The following CALU variants were observed in gnomAD, a reference collection of about 807,000 sequenced individuals.
The protein encoded by CALU is IEF SSP 9302.
A neutral mutation model predicts 37.5 loss-of-function variants in CALU; 13 were observed. That is an observed-to-expected ratio of 0.35 (90% CI 0.23 to 0.55). The LOEUF (loss-of-function observed/expected upper bound fraction) is 0.55, where lower values mean the gene tolerates loss of function less well. Among genes scored for constraint, CALU ranks in the 20% least tolerant of loss-of-function variants. The probability of loss-of-function intolerance (pLI) is 0.89; values close to 1 mark genes in which losing one functional copy is unlikely to be tolerated. For missense variants in CALU, 282 were observed against 391.7 expected, an observed-to-expected ratio of 0.72 and a Z score of 2.36; for synonymous variants, 114 against 133.8, an observed-to-expected ratio of 0.85 and a Z score of 1.02.
rs982994363 is a variant in CALU at position 128,772,413 on chromosome 7, A to C, written c.*3246A>C. 3.4e-6 allele frequency: 4 copies of C among 1,173,498 alleles called. No homozygotes were observed. In the Admixed American group the frequency reaches 8.0e-5, roughly 24 times the overall value. The allele number at this position is 1,173,498 out of a possible 1,614,324, so 72.7% of individuals were successfully genotyped here. A position where few individuals can be genotyped will look rare whatever the true frequency, so the allele number is the denominator to read the frequency against. On this transcript the variant is annotated 3_prime_UTR_variant, in exon 7 of 7. Transcript: ENST00000249364. ...AAGAAAATGAAAAATTGACTCCCCA[A>C]ACTGCCATCACTCCTTTTACCATCT...
chr7:128,742,207 A>G (rs1040246404), intron 1 of CALU, among the ~76,000 whole-genome samples: 8 of 152,208 alleles, frequency 5.3e-5, no homozygotes, highest in Admixed American at 3.3e-4. Context: ...AATGTCAGAT[A>G]GATAACAAGA....
Position 128,748,564 on chromosome 7 carries a change from T to G in CALU, c.-11-9T>G, listed in dbSNP as rs773393423. ...CCTCCTGAATTAACTGCTTTTCATTTTCTTCAAGATCTAATTATCATGGAC... is the reference window on the plus strand; with the variant it reads ...CCTCCTGAATTAACTGCTTTTCATTGTCTTCAAGATCTAATTATCATGGAC... On this transcript the variant is annotated splice_polypyrimidine_tract_variant and intron_variant, in intron 1 of 6. Coordinates refer to ENST00000249364, the MANE Select transcript of CALU (RefSeq NM_001219.5). The G allele has an allele frequency of 4.6e-5, 73 of 1,597,668 alleles. 1 individual carries two copies. The Admixed American group carries it at 5.1e-4, about 11-fold the overall frequency.
At chr7:128,761,500 G>C (rs938638498) in intron 5 of CALU, 1 of 152,218 alleles carries the variant, frequency 6.6e-6, no homozygotes, top group African/African-American at 2.4e-5. Context: ...GCCCGGGACA[G>C]AATCAGAGCA....
intron 5 of CALU, among the ~76,000 whole-genome samples, chr7:128,761,083 G>A (rs999135537): frequency 6.6e-6 from 1 of 152,084 alleles, no homozygotes; most frequent in African/African-American, 2.4e-5. Flanking sequence ...CTGATTCTCT[G>A]ACTACTTTCC....
At chr7:128,765,758 T>C (rs1222710068) in intron 5 of CALU, among the ~76,000 whole-genome samples, 1 of 152,210 alleles carries the variant, frequency 6.6e-6, no homozygotes, top group Non-Finnish European at 1.5e-5. Context: ...TTCATATCCA[T>C]GGATGACAAT....
chr7:128,754,010 C>T (rs1800773202), intron 2 of CALU, among the ~76,000 whole-genome samples: 1 of 152,212 alleles, frequency 6.6e-6, no homozygotes, highest in Admixed American at 6.5e-5. Flanking sequence ...TAACCATAGG[C>T]TGAAATCTAC....
intron 3 of CALU, chr7:128,754,790 G>A: frequency 1.1e-6 from 1 of 883,340 alleles, no homozygotes; most frequent in Non-Finnish European, 1.7e-6. Flanking sequence ...GGGTCACACA[G>A]TAAAGGAAAG....
intron 5 of CALU, among the ~76,000 whole-genome samples, chr7:128,760,146 C>T (rs1801049582): frequency 6.6e-6 from 1 of 151,950 alleles, no homozygotes; most frequent in Non-Finnish European, 1.5e-5. Flanking sequence ...TGCAGTGAGC[C>T]GAGAACACGC....
In CALU at chr7:128,770,294, T is replaced by A. The variant is rs563471786; in HGVS notation, c.*1127T>A. 1 of 152,740 alleles carries A rather than the reference T, an allele frequency of 6.5e-6. No individual in the cohort carries two copies. Among genetic ancestry groups the A allele is most frequent in the South Asian group, 2.1e-4 (1 of 4,828 alleles). 9.5% of individuals were successfully genotyped at this position (152,740 alleles called of 1,614,324 possible). On this transcript the variant is annotated 3_prime_UTR_variant, in exon 7 of 7. Transcript: ENST00000249364. ...CTTCTTCCCTTTCTCTTTTGGACAA[T>A]AGTTAAATTAGCAGTATTAGTTATG...
chr7:128,759,012 A>G lies in CALU; in HGVS notation c.557A>G (p.Asp186Gly). 6.2e-7 allele frequency: 1 copy of G among 1,613,808 alleles called. No homozygotes were observed. ...GCTTTCCTGCACCCTGAGGAGTATG[A>G]CTACATGAAAGATATAGTAGTACAG... The part of the protein sequence containing the change: ...FTAFLHPEEY[D>G]YMKDIVVQET... Residue 186 changes from aspartate (D) to glycine (G), a missense_variant, in exon 4 of 7, where the codon GAC becomes GGC. Coordinates refer to ENST00000249364, the MANE Select transcript of CALU (RefSeq NM_001219.5).
intron 1 of CALU, among the ~76,000 whole-genome samples, chr7:128,743,994 T>C (rs1175874165): frequency 6.6e-6 from 1 of 152,064 alleles, no homozygotes; most frequent in African/African-American, 2.4e-5. Context: ...TCACTTGAGG[T>C]CAGGAGTTTG....
In CALU at chr7:128,767,652, C is replaced by G; in HGVS notation, c.840C>G (p.Asn280Lys). The part of the protein sequence containing the change: ...ARHLVYESDQ[N>K]KDGKLTKEEI... ...ACCTGGTCTATGAATCAGACCAAAA[C>G]AAGGTAAGTCTGGCGAGGCCCACAC... The change falls in exon 6 of 7, where the codon AAC becomes AAG. Residue 280 changes from asparagine (N) to lysine (K), a missense_variant. By Grantham distance (94) the Asn-to-Lys change is moderately conservative. Transcript: ENST00000249364. 1 of 1,613,490 alleles carries G rather than the reference C, an allele frequency of 6.2e-7. No individual in the cohort carries two copies. The highest frequency in any genetic ancestry group is 8.5e-7 in the Non-Finnish European group (1 of 1,179,448).
intron 2 of CALU, among the ~76,000 whole-genome samples, chr7:128,751,651 G>A (rs1800680788): frequency 6.6e-6 from 1 of 152,002 alleles, no homozygotes; most frequent in African/African-American, 2.4e-5. Flanking sequence ...CCCTTCAGCC[G>A]GGAAGGGCAA....
intron 1 of CALU, among the ~76,000 whole-genome samples, chr7:128,741,591 C>G (rs920225182): frequency 6.6e-5 from 10 of 152,154 alleles, no homozygotes; most frequent in African/African-American, 2.4e-4. Context: ...GATAACAGAT[C>G]ACTTCCAGCT....
chr7:128,753,393 A>T lies in CALU; in HGVS notation c.222-869A>T, dbSNP rs909818205. ...TATAGTTAAGTGATTGCACCTTTAA[A>T]CAGAAGTTTTCATATCATGGACATA... On this transcript the variant is annotated intron_variant, in intron 2 of 6. Transcript: ENST00000249364. Among the ~76,000 whole-genome samples, 27 of 152,230 alleles carry T rather than the reference A, an allele frequency of 1.8e-4. 1 individual carries two copies.
chr7:128,754,683 T>C, intron 3 of CALU: 1 of 1,552,246 alleles, frequency 6.4e-7, no homozygotes, highest in Non-Finnish European at 8.7e-7. Context: ...CTTAATCTCC[T>C]GGGATGAGTA....
At chr7:128,758,283 G>C (rs1009243377) in intron 3 of CALU, among the ~76,000 whole-genome samples, 2 of 152,114 alleles carry the variant, frequency 1.3e-5, no homozygotes, top group African/African-American at 4.8e-5. Flanking sequence ...TTGAATCCAA[G>C]TGTCCATTAT....
At chr7:128,746,555 G>A (rs1800447847) in intron 1 of CALU, among the ~76,000 whole-genome samples, 1 of 152,056 alleles carries the variant, frequency 6.6e-6, no homozygotes, top group Admixed American at 6.6e-5. Context: ...GTGGGTTCAA[G>A]CTATCCTCCC....
At chr7:128,759,092 T>C in intron 4 of CALU, 55 bp downstream of exon 4, 4 of 1,417,392 alleles carry the variant, frequency 2.8e-6, no homozygotes, top group Non-Finnish European at 3.9e-6. Flanking sequence ...TTGTGGCTTA[T>C]TCTGTCTTTC....
Sources: gnomAD v4.1 joint callset for allele counts (sites outside exome capture counted in the v4.1 genomes callset) on GRCh38, gnomAD v4.1.1 for gene constraint, MANE v1.5 for transcripts, NCBI Gene and HGNC (gene_info 2026-07-23, HGNC 2026-07-21) for gene names.